PALM2AKAP2: variants seen among roughly 807,000 people sequenced by gnomAD.
PALM2AKAP2 encodes the protein PALM2-AKAP2 fusion protein.
Under a neutral mutation model 71.5 loss-of-function variants are expected in PALM2AKAP2, and 37 were observed. The observed-to-expected ratio is 0.52, with a 90% CI of 0.40 to 0.68. The LOEUF is 0.68. Ranked by LOEUF, PALM2AKAP2 falls within the 30% of genes least tolerant of loss-of-function variation. The pLI is 0.00. For missense variants in PALM2AKAP2, 1,224 were observed against 1,191.8 expected, an observed-to-expected ratio of 1.03 and a Z score of -0.40; for synonymous variants, 468 against 478.8, an observed-to-expected ratio of 0.98 and a Z score of 0.29.
intron 3 of PALM2AKAP2, among the ~76,000 whole-genome samples, chr9:110,157,758 C>T (rs1386716388): frequency 6.6e-6 from 1 of 152,120 alleles, no homozygotes; most frequent in Non-Finnish European, 1.5e-5. Flanking sequence ...TCACCTTAAA[C>T]TTGAATGCTA....
At chr9:109,723,767 T>C (rs1828437848) in intron 1 of PALM2AKAP2, among the ~76,000 whole-genome samples, 1 of 152,200 alleles carries the variant, frequency 6.6e-6, no homozygotes. Context: ...TCCATAGGCA[T>C]GAGCTAAAAC....
intron 1 of PALM2AKAP2, among the ~76,000 whole-genome samples, chr9:109,696,731 C>T (rs58547605): frequency 0.2 from 30,641 of 152,010 alleles, 3,369 homozygotes; most frequent in Middle Eastern, 0.33. Flanking sequence ...ATCTGTCTCC[C>T]GCCACTGTGA....
At chr9:109,752,220 A>T (rs1179318263) in intron 1 of PALM2AKAP2, among the ~76,000 whole-genome samples, 1 of 152,142 alleles carries the variant, frequency 6.6e-6, no homozygotes, top group Non-Finnish European at 1.5e-5. Context: ...AAGGCATTCA[A>T]TGAAGACCAG....
intron 1 of PALM2AKAP2, among the ~76,000 whole-genome samples, chr9:110,112,325 G>T (rs1383474859): frequency 6.6e-6 from 1 of 152,128 alleles, no homozygotes; most frequent in Non-Finnish European, 1.5e-5. Context: ...GACAGGCCAG[G>T]GCTTGGCTCT....
chr9:109,669,923 T>A (rs1042252777), intron 1 of PALM2AKAP2, among the ~76,000 whole-genome samples: 4 of 151,966 alleles, frequency 2.6e-5, no homozygotes, highest in South Asian at 2.1e-4. Context: ...TTCTTTTTTT[T>A]ATTTTTCTTC....
chr9:110,136,204 T>C, exon 2 of PALM2AKAP2: 1 of 1,614,044 alleles, frequency 6.2e-7, no homozygotes, highest in East Asian at 2.2e-5. Context: ...TCCTGGAGCC[T>C]GCTGCCAGCT....
intron 3 of PALM2AKAP2, among the ~76,000 whole-genome samples, chr9:109,881,919 C>G (rs1420890296): frequency 2.4e-5 from 3 of 124,710 alleles, no homozygotes; most frequent in Non-Finnish European, 3.2e-5. Context: ...GAGTCTCGCT[C>G]TGTCACTAGG....
At chr9:109,991,665 T>A (rs1035206855) in intron 6 of PALM2AKAP2, among the ~76,000 whole-genome samples, 1 of 152,190 alleles carries the variant, frequency 6.6e-6, no homozygotes, top group Non-Finnish European at 1.5e-5. Context: ...CTGGTATACA[T>A]CTCAAAGAAG....
intron 1 of PALM2AKAP2, among the ~76,000 whole-genome samples, chr9:109,789,567 T>C (rs553363156): frequency 6.6e-6 from 1 of 152,316 alleles, no homozygotes; most frequent in South Asian, 2.1e-4. Context: ...TTGGAAGGAT[T>C]CTGCCTCACC....
chr9:110,044,798 A>G (rs928533273), upstream of PALM2AKAP2, among the ~76,000 whole-genome samples: 1 of 151,562 alleles, frequency 6.6e-6, no homozygotes, highest in Non-Finnish European at 1.5e-5. Flanking sequence ...ATTCCCTTTT[A>G]TGATGCACTG....
chr9:110,063,659 G>A (rs1035887828), intron 1 of PALM2AKAP2, among the ~76,000 whole-genome samples: 1 of 151,966 alleles, frequency 6.6e-6, no homozygotes, highest in South Asian at 2.1e-4. Context: ...GGCCAGGCTG[G>A]TCTTAAACTC....
intron 1 of PALM2AKAP2, among the ~76,000 whole-genome samples, chr9:110,056,914 T>A (rs1833853123): frequency 6.6e-6 from 1 of 152,196 alleles, no homozygotes; most frequent in Admixed American, 6.5e-5. Flanking sequence ...ACAGGTGTTA[T>A]AGTGTGAGTG....
chr9:110,016,251 C>G (rs947222673), intron 7 of PALM2AKAP2, among the ~76,000 whole-genome samples: 2 of 152,148 alleles, frequency 1.3e-5, no homozygotes, highest in African/African-American at 4.8e-5. Context: ...TATGCCCGAC[C>G]TCGTCTGAAA....
At chr9:109,753,830 C>G (rs1370162407) in intron 1 of PALM2AKAP2, among the ~76,000 whole-genome samples, 1 of 151,616 alleles carries the variant, frequency 6.6e-6, no homozygotes, top group Non-Finnish European at 1.5e-5. Context: ...CAGCTCTTAA[C>G]TTTTTAAAAA....
Position 109,687,051 on chromosome 9 carries a change from C to T in PALM2AKAP2, c.5+46185C>T, listed in dbSNP as rs147403278. On this transcript the variant is annotated intron_variant, in intron 1 of 6. Coordinates refer to the PALM2AKAP2 transcript ENST00000374531. ...CATAGTATTCCATGGTGTATATGTG[C>T]CACATTTTCTTAATCCAGTATATCA... Among the ~76,000 whole-genome samples the T allele has an allele frequency of 1.2e-3, 179 of 152,268 alleles. 1 individual carries two copies. The highest frequency in any genetic ancestry group is 4.0e-3 in the African/African-American group (168 of 41,558).
At chr9:110,098,348 T>G (rs920385428) in intron 1 of PALM2AKAP2, among the ~76,000 whole-genome samples, 1 of 152,208 alleles carries the variant, frequency 6.6e-6, no homozygotes, top group African/African-American at 2.4e-5. Context: ...TGCGTGATAC[T>G]TAAAGCCATG....
intron 1 of PALM2AKAP2, among the ~76,000 whole-genome samples, chr9:109,859,097 T>A (rs1333823060): frequency 6.6e-6 from 1 of 152,220 alleles, no homozygotes; most frequent in African/African-American, 2.4e-5. Context: ...ATCTAAATTC[T>A]ATGGGATGTT....
intron 2 of PALM2AKAP2, among the ~76,000 whole-genome samples, chr9:110,147,833 G>A (rs1359061280): frequency 1.3e-5 from 2 of 152,208 alleles, no homozygotes; most frequent in East Asian, 3.8e-4. Flanking sequence ...TTTTGCAGCA[G>A]TTGTGAGCCT....
chr9:110,005,429 T>A (rs1832759385), intron 6 of PALM2AKAP2, among the ~76,000 whole-genome samples: 1 of 152,246 alleles, frequency 6.6e-6, no homozygotes, highest in Non-Finnish European at 1.5e-5. Context: ...GATGTCAGTC[T>A]GCCCCTCCTG....
Sources: allele counts gnomAD v4.1 joint callset (sites outside exome capture counted in the v4.1 genomes callset), GRCh38; gene constraint gnomAD v4.1.1; transcripts MANE v1.5; gene names NCBI Gene and HGNC (gene_info 2026-07-23, HGNC 2026-07-21).